Variants in SLC2A13 observed in about 807,000 individuals in gnomAD.
The protein encoded by SLC2A13 is solute carrier family 2 member 13.
Under a neutral mutation model 64.4 loss-of-function variants are expected in SLC2A13, and 32 were observed. The observed-to-expected ratio is 0.50, with a 90% CI of 0.37 to 0.67. The LOEUF is 0.67. Among genes scored for constraint, SLC2A13 ranks in the 30% least tolerant of loss-of-function variants. SLC2A13 has a pLI of 0.00. For missense variants in SLC2A13, 743 were observed against 829.2 expected, an observed-to-expected ratio of 0.90 and a Z score of 1.28; for synonymous variants, 338 against 327.1, an observed-to-expected ratio of 1.03 and a Z score of -0.36.
At position 40,105,204 on chromosome 12, in the gene SLC2A13, G is replaced by C. The variant is rs891766920; in HGVS notation, c.556+49C>G. On this transcript the variant is annotated intron_variant, in intron 1 of 9. Transcript: ENST00000280871. The surrounding 1 kb of genome is among the most constrained non-coding windows in gnomAD (Gnocchi z 4.2). ...AGAGGCACGCAACACCCAGGGTCAA[G>C]GGCGGTGACAATGGGATCCCGGGCG... 2.7e-6 allele frequency: 4 copies of C among 1,493,736 alleles called. No individual in the cohort carries two copies. The highest frequency in any genetic ancestry group is 3.6e-6 in the Non-Finnish European group (4 of 1,125,126). 92.5% of individuals were successfully genotyped at this position (1,493,736 alleles called of 1,614,324 possible). A position where few individuals can be genotyped will look rare whatever the true frequency, so the allele number is the denominator to read the frequency against.
At chr12:40,022,508 C>T (rs1056475026) in intron 3 of SLC2A13, among the ~76,000 whole-genome samples, 5 of 152,186 alleles carry the variant, frequency 3.3e-5, no homozygotes, top group African/African-American at 9.6e-5. Flanking sequence ...TCTGAAAGTA[C>T]ATGATCTAGA....
At chr12:40,008,305 T>C (rs1265545306) in intron 3 of SLC2A13, among the ~76,000 whole-genome samples, 1 of 152,018 alleles carries the variant, frequency 6.6e-6, no homozygotes, top group Admixed American at 6.6e-5. Context: ...TACCAAATGT[T>C]AAGAGTATGG....
chr12:39,910,308 T>C (rs1331030904), intron 4 of SLC2A13, among the ~76,000 whole-genome samples: 1 of 152,162 alleles, frequency 6.6e-6, no homozygotes, highest in African/African-American at 2.4e-5. Context: ...AAAGGTCTTT[T>C]CTTCTATACT....
intron 4 of SLC2A13, among the ~76,000 whole-genome samples, chr12:39,888,131 G>A (rs1234466099): frequency 2.0e-5 from 3 of 152,166 alleles, no homozygotes; most frequent in Non-Finnish European, 2.9e-5. Context: ...GTGCCATCTG[G>A]GCAGGCTGCT....
At chr12:39,955,974 T>C (rs759855279) in intron 3 of SLC2A13, among the ~76,000 whole-genome samples, 60 of 152,252 alleles carry the variant, frequency 3.9e-4, no homozygotes, top group Middle Eastern at 3.4e-3. Context: ...TAATCTATTA[T>C]AGTAACCACA....
chr12:40,018,140 G>A (rs575455223), intron 3 of SLC2A13, among the ~76,000 whole-genome samples: 4 of 152,228 alleles, frequency 2.6e-5, no homozygotes, highest in East Asian at 1.9e-4. Flanking sequence ...AAATCTGGCC[G>A]GCTTTCTGTT....
chr12:39,812,641 T>C (rs1403058850), intron 7 of SLC2A13, among the ~76,000 whole-genome samples: 1 of 151,616 alleles, frequency 6.6e-6, no homozygotes, highest in Non-Finnish European at 1.5e-5. Flanking sequence ...CCCGGCTGAT[T>C]TGTATATTTT....
At chr12:39,796,345 C>G (rs571880980) in intron 7 of SLC2A13, among the ~76,000 whole-genome samples, 1 of 149,024 alleles carries the variant, frequency 6.7e-6, no homozygotes, top group African/African-American at 2.5e-5. Context: ...ATCCCAGCTA[C>G]TTGGTAGGCT....
chr12:40,025,092 T>C (rs1052857135), intron 3 of SLC2A13, among the ~76,000 whole-genome samples: 1 of 152,374 alleles, frequency 6.6e-6, no homozygotes. Flanking sequence ...TTTTTGTTGT[T>C]GTTTTGCCAA....
chr12:39,810,393 C>T (rs975447742), intron 7 of SLC2A13, among the ~76,000 whole-genome samples: 1 of 152,030 alleles, frequency 6.6e-6, no homozygotes, highest in Non-Finnish European at 1.5e-5. Context: ...TTGTTACATT[C>T]ATTTATTTAT....
chr12:39,782,076 T>C (rs1941005320), intron 7 of SLC2A13, among the ~76,000 whole-genome samples: 3 of 152,200 alleles, frequency 2.0e-5, no homozygotes, highest in Admixed American at 2.0e-4. Flanking sequence ...AGTATGGAAC[T>C]ATGCCTAGAA....
chr12:39,794,141 A>G (rs916319309), intron 7 of SLC2A13, among the ~76,000 whole-genome samples: 1 of 151,386 alleles, frequency 6.6e-6, no homozygotes, highest in African/African-American at 2.4e-5. Context: ...AAAAAAAAAA[A>G]AAAAAAAACC....
chr12:39,935,158 G>T lies in SLC2A13; in HGVS notation c.1034+16099C>A, dbSNP rs148139413. 2.3e-3 allele frequency among the ~76,000 whole-genome samples: 350 copies of T among 152,292 alleles called. 1 individual carries two copies. The highest frequency in any genetic ancestry group is 7.9e-3 in the African/African-American group (328 of 41,548). ...CAATCCCAACACTTAGGAAGGCAGA[G>T]GTGGGAAGATAGCTTGAGCCCAGGA... is the stretch of plus-strand genomic sequence containing the variant. On this transcript the variant is annotated intron_variant, in intron 4 of 9. Coordinates refer to ENST00000280871, the MANE Select transcript of SLC2A13 (RefSeq NM_052885.4).
intron 1 of SLC2A13, among the ~76,000 whole-genome samples, chr12:40,068,906 A>G (rs1937849718): frequency 6.6e-6 from 1 of 152,122 alleles, no homozygotes; most frequent in African/African-American, 2.4e-5. Context: ...TCACAAAGAA[A>G]GAGCTAGACA....
chr12:39,876,032 C>T (rs1944176549), intron 4 of SLC2A13, among the ~76,000 whole-genome samples: 2 of 152,228 alleles, frequency 1.3e-5, no homozygotes, highest in South Asian at 4.1e-4. Flanking sequence ...GGCATACCTT[C>T]TCCTTTCAAA....
chr12:39,943,129 T>C (rs916746570), intron 4 of SLC2A13, among the ~76,000 whole-genome samples: 2 of 152,138 alleles, frequency 1.3e-5, no homozygotes, highest in African/African-American at 4.8e-5. Context: ...TCTGGAAGCT[T>C]CGTCCCAGAG....
At chr12:39,917,898 TCA>T (rs1945547296) in intron 4 of SLC2A13, among the ~76,000 whole-genome samples, 1 of 152,118 alleles carries the variant, frequency 6.6e-6, no homozygotes, top group Admixed American at 6.5e-5. Flanking sequence ...TTTCTATTAT[TCA>T]GTTTATTATT....
intron 4 of SLC2A13, among the ~76,000 whole-genome samples, chr12:39,904,651 C>T (rs1945219520): frequency 6.6e-6 from 1 of 152,114 alleles, no homozygotes; most frequent in African/African-American, 2.4e-5. Flanking sequence ...GCCTTCTTCT[C>T]ATGGAAGACA....
At chr12:39,811,392 G>C (rs1942153061) in intron 7 of SLC2A13, among the ~76,000 whole-genome samples, 1 of 151,800 alleles carries the variant, frequency 6.6e-6, no homozygotes, top group Admixed American at 6.6e-5. Context: ...ATAATTGTAA[G>C]CTTAGGTAAT....
Sources: allele counts gnomAD v4.1 joint callset (sites outside exome capture counted in the v4.1 genomes callset), GRCh38; gene constraint gnomAD v4.1.1; non-coding constraint Gnocchi (gnomAD v3.1); transcripts MANE v1.5; gene names NCBI Gene and HGNC (gene_info 2026-07-23, HGNC 2026-07-21).